TRPM3: variants seen among roughly 807,000 people sequenced by gnomAD.
TRPM3 encodes long transient receptor potential channel 3.
In TRPM3, 77 loss-of-function variants were observed where a neutral mutation model predicts 181.2. That is an observed-to-expected ratio of 0.42 (90% CI 0.35 to 0.51). TRPM3 has a LOEUF of 0.51. TRPM3 is among the 20% of genes least tolerant of loss of function. TRPM3 has a pLI of 0.01. For missense variants in TRPM3, 1,759 were observed against 2,196.7 expected (o/e 0.80, Z 3.98); for synonymous variants, 745 against 796.4 (o/e 0.94, Z 1.09).
chr9:70,647,688 A>G (rs925759807), intron 9 of TRPM3, among the ~76,000 whole-genome samples: 13 of 152,248 alleles, frequency 8.5e-5, no homozygotes, highest in African/African-American at 3.1e-4. Context: ...GAAGCCCTTG[A>G]CAGAGCAATC....
intron 1 of TRPM3, among the ~76,000 whole-genome samples, chr9:71,179,895 G>T (rs985357103): frequency 6.6e-6 from 1 of 152,008 alleles, no homozygotes; most frequent in Non-Finnish European, 1.5e-5. Context: ...ATGACTGCAG[G>T]ACCCACCATA....
chr9:70,897,973 A>G (rs930981019), intron 1 of TRPM3, among the ~76,000 whole-genome samples: 2 of 152,040 alleles, frequency 1.3e-5, no homozygotes, highest in Non-Finnish European at 2.9e-5. Context: ...ATTAACTCCA[A>G]TTTCTGGAGC....
At chr9:70,989,070 G>A (rs1267760862) in intron 1 of TRPM3, among the ~76,000 whole-genome samples, 1 of 152,158 alleles carries the variant, frequency 6.6e-6, no homozygotes, top group Non-Finnish European at 1.5e-5. Context: ...CTACTGAACT[G>A]TGAGATAATA....
At chr9:71,301,038 C>G (rs1401275100) in intron 1 of TRPM3, among the ~76,000 whole-genome samples, 1 of 151,250 alleles carries the variant, frequency 6.6e-6, no homozygotes, top group East Asian at 1.9e-4. Flanking sequence ...TCATCACCAT[C>G]AAATGAATAT....
intron 1 of TRPM3, among the ~76,000 whole-genome samples, chr9:71,169,574 T>G (rs1193415365): frequency 6.6e-6 from 1 of 152,178 alleles, no homozygotes; most frequent in East Asian, 1.9e-4. Flanking sequence ...TTAGGCAGAT[T>G]TGATTCTTTA....
chr9:70,765,598 CAAAAACA>C (rs76181480), intron 7 of TRPM3, among the ~76,000 whole-genome samples: 7,284 of 151,980 alleles, frequency 0.048, 229 homozygotes, highest in South Asian at 0.11. Context: ...TCTCAAAAAA[CAAAAACA>C]AAAAACAAAA....
chr9:71,386,691 T>A (rs1316218664), intron 1 of TRPM3, among the ~76,000 whole-genome samples: 1 of 152,234 alleles, frequency 6.6e-6, no homozygotes, highest in East Asian at 1.9e-4. Context: ...ATTCATTATA[T>A]AACACTAAAC....
In TRPM3 at chr9:70,625,419, TA is replaced by T. The variant is rs113701331; in HGVS notation, c.1668+62del. 5.3e-3 allele frequency: 6,515 copies of T among 1,227,606 alleles called. No individual in the cohort carries two copies. The highest frequency in any genetic ancestry group is 7.9e-3 in the Admixed American group (352 of 44,380). The allele number at this position is 1,227,606 out of a possible 1,614,324, so 76.0% of individuals were successfully genotyped here. The stretch of plus-strand genomic sequence containing the variant: ...TACTTCACGTATTCTGTAACTAGAG[TA>T]AAAAAAAAATAATGAAAAAAGAAAC... On this transcript the variant is annotated intron_variant, in intron 13 of 25. Coordinates refer to ENST00000677713, the MANE Select transcript of TRPM3 (RefSeq NM_001366145.2). The surrounding 1 kb of genome is among the most constrained non-coding windows in gnomAD (Gnocchi z 4.8).
At chr9:70,551,983 A>G (rs2046570673) in intron 24 of TRPM3, among the ~76,000 whole-genome samples, 1 of 152,362 alleles carries the variant, frequency 6.6e-6, no homozygotes. Context: ...GCTGTTGACC[A>G]AATCGTTTTG....
intron 1 of TRPM3, among the ~76,000 whole-genome samples, chr9:71,332,565 CA>C (rs142605562): frequency 6.8e-6 from 1 of 146,400 alleles, no homozygotes; most frequent in Non-Finnish European, 1.5e-5. Context: ...TCTGATGAAC[CA>C]AAAAAAAACA....
intron 1 of TRPM3, among the ~76,000 whole-genome samples, chr9:70,979,591 C>A (rs1175183765): frequency 6.6e-6 from 1 of 152,142 alleles, no homozygotes; most frequent in African/African-American, 2.4e-5. Context: ...AATTGACAAT[C>A]CTTGCCTTGT....
At chr9:71,388,081 T>A (rs1234019336) in intron 1 of TRPM3, among the ~76,000 whole-genome samples, 2 of 152,142 alleles carry the variant, frequency 1.3e-5, no homozygotes, top group African/African-American at 4.8e-5. Context: ...GTCAGGGATT[T>A]CTGTGCCACT....
intron 5 of TRPM3, among the ~76,000 whole-genome samples, chr9:70,828,226 G>GTATT (rs900963274): frequency 6.6e-6 from 1 of 152,158 alleles, no homozygotes; most frequent in Non-Finnish European, 1.5e-5. Context: ...GCTTAAATGA[G>GTATT]TATTTATTTA....
chr9:71,291,478 C>G (rs2085806288), intron 1 of TRPM3, among the ~76,000 whole-genome samples: 1 of 152,074 alleles, frequency 6.6e-6, no homozygotes, highest in Non-Finnish European at 1.5e-5. Flanking sequence ...CCAATTAGAT[C>G]TTTAATTTGT....
At chr9:70,960,803 A>G (rs73647191) in intron 1 of TRPM3, among the ~76,000 whole-genome samples, 5,489 of 152,118 alleles carry the variant, frequency 0.036, 345 homozygotes, top group African/African-American at 0.13. Context: ...CAGTCTCCTC[A>G]TCTCCGTGTT....
At chr9:71,082,660 T>G (rs2133779291) in intron 1 of TRPM3, among the ~76,000 whole-genome samples, 1 of 152,282 alleles carries the variant, frequency 6.6e-6, no homozygotes, top group East Asian at 1.9e-4. Flanking sequence ...GATCCTATCG[T>G]TAGTGGACTA....
intron 1 of TRPM3, among the ~76,000 whole-genome samples, chr9:71,406,208 G>A (rs971549267): frequency 2.0e-5 from 3 of 152,150 alleles, no homozygotes; most frequent in Admixed American, 6.5e-5. Flanking sequence ...AGAGTTGCAC[G>A]ATGCCTATGC....
chr9:71,245,276 C>G, intron 1 of TRPM3, among the ~76,000 whole-genome samples: 1 of 151,972 alleles, frequency 6.6e-6, no homozygotes, highest in Non-Finnish European at 1.5e-5. Context: ...AACCCCATCT[C>G]TACTAGAAAT....
At chr9:70,785,299 A>T (rs1038990944) in intron 6 of TRPM3, among the ~76,000 whole-genome samples, 1 of 152,250 alleles carries the variant, frequency 6.6e-6, no homozygotes, top group African/African-American at 2.4e-5. Context: ...AAAGAGAAGT[A>T]ATAAAATCAA....
Sources: allele counts gnomAD v4.1 joint callset (sites outside exome capture counted in the v4.1 genomes callset), GRCh38; gene constraint gnomAD v4.1.1; non-coding constraint Gnocchi (gnomAD v3.1); transcripts MANE v1.5; gene names NCBI Gene and HGNC (gene_info 2026-07-23, HGNC 2026-07-21).